MARCHF7: variants seen among roughly 807,000 people sequenced by gnomAD.
The protein encoded by MARCHF7 is E3 ubiquitin-protein ligase MARCHF7.
A neutral mutation model predicts 76.5 loss-of-function variants in MARCHF7; 20 were observed. That is an observed-to-expected ratio of 0.26 (90% confidence interval 0.18 to 0.38). The LOEUF is 0.38. MARCHF7 is among the 10% of genes least tolerant of loss of function. MARCHF7 has a pLI of 1.00. For synonymous variants in MARCHF7, 295 were observed against 293.0 expected (o/e 1.01, Z -0.07); for missense variants, 797 against 812.9 (o/e 0.98, Z 0.24).
At chr2:159,766,026 G>C (rs527428562) in intron 11 of MARCHF7, among the ~76,000 whole-genome samples, 1 of 151,938 alleles carries the variant, frequency 6.6e-6, no homozygotes, top group South Asian at 2.1e-4. Flanking sequence ...TTAAAATTTA[G>C]TTTCTTAAAC....
intron 7 of MARCHF7, among the ~76,000 whole-genome samples, chr2:159,749,737 C>T (rs915190075): frequency 1.5e-5 from 2 of 129,412 alleles, no homozygotes; most frequent in Admixed American, 7.3e-5. Flanking sequence ...ATGGTTGGGG[C>T]GGGGGGGGCG....
intron 3 of MARCHF7, among the ~76,000 whole-genome samples, chr2:159,726,239 GTT>G (rs2125368524): frequency 7.9e-6 from 1 of 125,996 alleles, no homozygotes; most frequent in African/African-American, 4.2e-5. Flanking sequence ...GTTTTGTTTT[GTT>G]TTGTTTTGTT....
At chr2:159,720,054 C>G (rs1701463808) in intron 3 of MARCHF7, among the ~76,000 whole-genome samples, 1 of 152,100 alleles carries the variant, frequency 6.6e-6, no homozygotes, top group South Asian at 2.1e-4. Flanking sequence ...AAGATGGAGT[C>G]TTGCTCTGTT....
chr2:159,762,907 C>G lies in MARCHF7; in HGVS notation c.1921C>G (p.Leu641Val), dbSNP rs1385928982. ...TGAGTATGAGTTTATCAGCTCTGGT[C>G]TCTACCTAGTGGTGTTATTGCACTT... ...QAEYEFISSG[L>V]YLVVLLHLCE... The change falls in exon 10 of 12, where the codon CTC (leucine) becomes GTC (valine). Residue 641 changes from leucine to valine, a missense_variant. Coordinates refer to ENST00000409175, the MANE Select transcript of MARCHF7 (RefSeq NM_001282805.2). The G allele has an allele frequency of 2.5e-6, 4 of 1,612,262 alleles. No individual in the cohort carries two copies. The highest frequency in any genetic ancestry group is 1.1e-5 in the South Asian group (1 of 90,802).
intron 2 of MARCHF7, among the ~76,000 whole-genome samples, chr2:159,715,219 A>G (rs1375696082): frequency 1.3e-5 from 2 of 152,240 alleles, no homozygotes; most frequent in Non-Finnish European, 1.5e-5. Context: ...TTGAGTTCCT[A>G]CTAAGATTAC....
At chr2:159,756,874 GATTAA>G (rs1047609396) in intron 8 of MARCHF7, among the ~76,000 whole-genome samples, 8 of 149,720 alleles carry the variant, frequency 5.3e-5, no homozygotes, top group Non-Finnish European at 1.2e-4. Flanking sequence ...GTAAGTATGC[GATTAA>G]ATTAAATGGG....
rs549702733 is a variant in MARCHF7 at position 159,725,399 on chromosome 2, G to A, written c.-14-3610G>A. 7.6e-4 allele frequency among the ~76,000 whole-genome samples: 115 copies of A among 152,200 alleles called. 1 individual carries two copies. Among genetic ancestry groups the A allele is most frequent in the Non-Finnish European group, 1.4e-3 (96 of 68,004 alleles). ...TCTAACTGGTGTGAGATGGTGTCTC[G>A]TTGTGGTTTTGATTTGCATTTCTCT... On this transcript the variant is annotated intron_variant, in intron 3 of 11. Transcript: ENST00000409175.
At chr2:159,718,317 GA>G (rs575324334) in intron 3 of MARCHF7, among the ~76,000 whole-genome samples, 2 of 151,702 alleles carry the variant, frequency 1.3e-5, no homozygotes, top group African/African-American at 4.8e-5. Flanking sequence ...TTCTATTTTG[GA>G]AAAAAATAGG....
At chr2:159,733,747 T>G (rs1703105078) in intron 4 of MARCHF7, 1 of 985,252 alleles carries the variant, frequency 1.0e-6, no homozygotes, top group South Asian at 4.7e-5. Flanking sequence ...TATAGAACAT[T>G]TTTTACTTCT....
At chr2:159,735,149 C>T (rs529926343) in intron 4 of MARCHF7, among the ~76,000 whole-genome samples, 8 of 152,206 alleles carry the variant, frequency 5.3e-5, no homozygotes, top group Non-Finnish European at 1.2e-4. Flanking sequence ...AGTTGTTGCT[C>T]ATGGCTAAGG....
chr2:159,740,189 T>A lies in MARCHF7; in HGVS notation c.154-2872T>A, dbSNP rs74892898. On this transcript the variant is annotated intron_variant, in intron 4 of 11. Coordinates refer to ENST00000409175, the MANE Select transcript of MARCHF7 (RefSeq NM_001282805.2). ...CTAATTGGTTTTCTTTCTGTTCATC[T>A]ATTTCGTCTTCCACATGCCTCTAAA... Among the ~76,000 whole-genome samples the A allele has an allele frequency of 1.8e-3, 276 of 152,256 alleles. 3 individuals are homozygous for A. The highest frequency in any genetic ancestry group is 0.016 in the South Asian group (77 of 4,832).
In MARCHF7 at chr2:159,719,575, G is replaced by A. The variant is rs1447168723; in HGVS notation, c.-15+3809G>A. On this transcript the variant is annotated intron_variant, in intron 3 of 11. Transcript: ENST00000409175. ...CATCCTTGGAGCCATGTCTCTTCCCGTAATGATCCTAATACTAATTTAGTT... is the reference window on the plus strand; with the variant it reads ...CATCCTTGGAGCCATGTCTCTTCCCATAATGATCCTAATACTAATTTAGTT... 1.1e-4 allele frequency among the ~76,000 whole-genome samples: 17 copies of A among 152,056 alleles called. No individual in the cohort carries two copies. In the East Asian group the frequency reaches 2.3e-3, roughly 21 times the overall value.
At chr2:159,759,438 T>C in intron 9 of MARCHF7, 103 bp downstream of exon 9, 7 of 529,130 alleles carry the variant, frequency 1.3e-5, no homozygotes, top group Non-Finnish European at 2.0e-5. Context: ...ATTAAAATAA[T>C]AATAATAACA....
chr2:159,716,285 G>A (rs999213729), intron 3 of MARCHF7, among the ~76,000 whole-genome samples: 1 of 151,098 alleles, frequency 6.6e-6, no homozygotes, highest in Non-Finnish European at 1.5e-5. Context: ...TTTAAGAAAA[G>A]GATATGCAAA....
At chr2:159,754,054 T>C (rs1705994535) in intron 8 of MARCHF7, among the ~76,000 whole-genome samples, 1 of 152,220 alleles carries the variant, frequency 6.6e-6, no homozygotes, top group South Asian at 2.1e-4. Context: ...GGAAATGTCA[T>C]GTAGGCCGTT....
intron 11 of MARCHF7, 58 bp from the exon 12 acceptor site, chr2:159,767,226 A>G: frequency 8.1e-7 from 1 of 1,229,310 alleles, no homozygotes; most frequent in Non-Finnish European, 1.2e-6. Flanking sequence ...TCATATTTAC[A>G]CTTCCCATTC....
chr2:159,753,872 C>G (rs1406450175), intron 8 of MARCHF7, among the ~76,000 whole-genome samples: 2 of 152,086 alleles, frequency 1.3e-5, no homozygotes, highest in Non-Finnish European at 2.9e-5. Context: ...ACATCCAGTT[C>G]AGTAAATTGG....
At chr2:159,728,480 A>G (rs7566802) in intron 3 of MARCHF7, among the ~76,000 whole-genome samples, 52,395 of 152,082 alleles carry the variant, frequency 0.34, 9,229 homozygotes, top group South Asian at 0.44. Flanking sequence ...ACAAATTACA[A>G]TGCATAGTAG....
intron 8 of MARCHF7, among the ~76,000 whole-genome samples, chr2:159,758,194 C>T (rs577507369): frequency 1.3e-5 from 2 of 152,184 alleles, no homozygotes; most frequent in South Asian, 2.1e-4. Flanking sequence ...TAAATATAAA[C>T]AAACAAAGGA....
Sources: allele counts gnomAD v4.1 joint callset (sites outside exome capture counted in the v4.1 genomes callset), GRCh38; gene constraint gnomAD v4.1.1; transcripts MANE v1.5; gene names NCBI Gene and HGNC (gene_info 2026-07-23, HGNC 2026-07-21).